Variants in DDB2 observed in about 807,000 individuals in gnomAD.
DDB2 encodes the protein DNA damage-binding protein 2.
A neutral mutation model predicts 50.5 loss-of-function variants in DDB2; 27 were observed. The ratio of observed to expected loss-of-function variants is 0.53; its 90% CI spans 0.39 to 0.74. The LOEUF is 0.74. Among genes scored for constraint, DDB2 ranks in the 30% least tolerant of loss-of-function variants. The probability of loss-of-function intolerance (pLI) is 0.00; values close to 1 mark genes in which losing one functional copy is unlikely to be tolerated. For missense variants in DDB2, 424 were observed against 545.6 expected (o/e 0.78, Z 2.22); for synonymous variants, 176 against 205.5 (o/e 0.86, Z 1.23).
At position 47,216,863 on chromosome 11, in the gene DDB2, C is replaced by G; in HGVS notation, c.270C>G (p.Leu90=). The G allele has an allele frequency of 6.2e-7, 1 of 1,614,016 alleles. No individual in the cohort carries two copies. The highest frequency in any genetic ancestry group is 8.5e-7 in the Non-Finnish European group (1 of 1,179,994). ...RASWPSVQQG[L]QQSFLHTLDS... is the part of the protein sequence containing the mutation. ...TTCATTTCTCTCTGTGGCAGGGGCT[C>G]CAGCAGTCCTTTTTGCACACTCTGG... The change falls in exon 3 of 10, where the codon CTC becomes CTG. Residue 90 remains leucine, a synonymous_variant. Coordinates refer to ENST00000256996, the MANE Select transcript of DDB2 (RefSeq NM_000107.3).
In DDB2 at chr11:47,215,126, C is replaced by CGGA; in HGVS notation, c.-7_-5dup. The CGGA allele has an allele frequency of 6.2e-7, 1 of 1,614,004 alleles. No individual in the cohort carries two copies. Among genetic ancestry groups the CGGA allele is most frequent in the Middle Eastern group, 1.6e-4 (1 of 6,062 alleles). On this transcript the variant is annotated 5_prime_UTR_variant, in exon 1 of 10. Transcript: ENST00000256996. ...GCATAGAGCACAGTACCCCTTCACA[C>CGGA]GGAGGACGCGATGGCTCCCAAGAAA...
chr11:47,215,708 G>A, intron 1 of DDB2: 1 of 276,100 alleles, frequency 3.6e-6, no homozygotes, highest in Non-Finnish European at 7.1e-6. Context: ...AAGGAGTTTC[G>A]AGACACTCAA....
Position 47,215,164 on chromosome 11 carries a change from CAGA to C in DDB2, c.32_34del (p.Lys11del). 1 of 1,614,020 alleles carries C rather than the reference CAGA, an allele frequency of 6.2e-7. No homozygotes were observed. The highest frequency in any genetic ancestry group is 8.5e-7 in the Non-Finnish European group (1 of 1,180,012). On this transcript the variant is annotated inframe_deletion, in exon 1 of 10. Transcript: ENST00000256996. ...GGCTCCCAAGAAACGCCCAGAAACCCAGAAGACCTCCGAGATTGTATTACGCCC... is the reference window on the plus strand; with the variant it reads ...GGCTCCCAAGAAACGCCCAGAAACCCAGACCTCCGAGATTGTATTACGCCC...
At chr11:47,223,521 C>T (rs1401761253) in intron 3 of DDB2, among the ~76,000 whole-genome samples, 1 of 151,664 alleles carries the variant, frequency 6.6e-6, no homozygotes, top group Non-Finnish European at 1.5e-5. Context: ...TGGCTGACAC[C>T]TGTAATCCCA....
chr11:47,217,036 C>A lies in DDB2; in HGVS notation c.443C>A (p.Thr148Asn). Residue 148 changes from threonine to asparagine, a missense_variant, in exon 3 of 10, where the codon ACC becomes AAC. Transcript: ENST00000256996. ...LWNFGIKDKP[T>N]FIKGIGAGGS... ...AATTTTGGCATCAAGGACAAACCCACCTTCATCAAAGGGGTGAGCAGTTCC... is the reference window on the plus strand; with the variant it reads ...AATTTTGGCATCAAGGACAAACCCAACTTCATCAAAGGGGTGAGCAGTTCC... 1 of 1,613,990 alleles carries A rather than the reference C, an allele frequency of 6.2e-7. No individual in the cohort carries two copies. The highest frequency in any genetic ancestry group is 8.5e-7 in the Non-Finnish European group (1 of 1,179,922).
At chr11:47,238,731 C>G in intron 9 of DDB2, 69 bp from the exon 10 acceptor site, 1 of 1,566,500 alleles carries the variant, frequency 6.4e-7, no homozygotes, top group South Asian at 1.1e-5. Flanking sequence ...TGTAGGTTTG[C>G]GGGCCAGCCC....
Position 47,215,390 on chromosome 11 carries a change from A to T in DDB2, c.127+127A>T, listed in dbSNP as rs2135483578. The T allele has an allele frequency of 2.9e-5, 41 of 1,408,140 alleles. No individual in the cohort carries two copies. In the South Asian group the frequency reaches 4.7e-4, roughly 16 times the overall value. 87.2% of individuals were successfully genotyped at this position (1,408,140 alleles called of 1,614,324 possible). A position where few individuals can be genotyped will look rare whatever the true frequency, so the allele number is the denominator to read the frequency against. On this transcript the variant is annotated intron_variant, in intron 1 of 9. Transcript: ENST00000256996. Reference sequence around the variant, plus strand: ...AGGTCACGGGTGCCTCCGGCTGTGCATTCTACCTGCAGGTCCTTTGACACC... The same window carrying T: ...AGGTCACGGGTGCCTCCGGCTGTGCTTTCTACCTGCAGGTCCTTTGACACC...
At chr11:47,233,169 G>T in intron 4 of DDB2, 1 of 628,680 alleles carries the variant, frequency 1.6e-6, no homozygotes, top group South Asian at 1.7e-5. Flanking sequence ...AGGTGTTCTG[G>T]AGCCTCAGCT....
At chr11:47,223,478 G>C (rs1953514858) in intron 3 of DDB2, among the ~76,000 whole-genome samples, 1 of 151,768 alleles carries the variant, frequency 6.6e-6, no homozygotes, top group Admixed American at 6.6e-5. Flanking sequence ...GCAAGACTGT[G>C]TCTCAAAAAT....
intron 3 of DDB2, among the ~76,000 whole-genome samples, chr11:47,219,145 G>A (rs752941806): frequency 2.6e-5 from 4 of 152,148 alleles, no homozygotes; most frequent in Non-Finnish European, 4.4e-5. Context: ...GGGTTTCACC[G>A]TGTTAGCCAC....
Position 47,239,035 on chromosome 11 carries a change from TC to T in DDB2, c.*188del. ...TTTATGTTAATGCTCTGGACTTGCC[TC>T]CAGAGACTGCTCCAGAGTTGGTGAC... On this transcript the variant is annotated 3_prime_UTR_variant, in exon 10 of 10. Coordinates refer to ENST00000256996, the MANE Select transcript of DDB2 (RefSeq NM_000107.3). The T allele has an allele frequency of 1.7e-6, 1 of 602,826 alleles. No homozygotes were observed. The highest frequency in any genetic ancestry group is 3.0e-6 in the Non-Finnish European group (1 of 338,528). 37.3% of individuals were successfully genotyped at this position (602,826 alleles called of 1,614,324 possible). A position where few individuals can be genotyped will look rare whatever the true frequency, so the allele number is the denominator to read the frequency against.
Position 47,235,423 on chromosome 11 carries a change from G to A in DDB2, c.1023+11G>A, listed in dbSNP as rs1176657601. 1 of 1,609,928 alleles carries A rather than the reference G, an allele frequency of 6.2e-7. No individual in the cohort carries two copies. Among genetic ancestry groups the A allele is most frequent in the Admixed American group, 1.7e-5 (1 of 59,972 alleles). The stretch of plus-strand genomic sequence containing the variant: ...CTCACACCCATCAAGGTGAGTGGCG[G>A]TGGGAAGGAGCTCGCAGAAGGAGGC... On this transcript the variant is annotated intron_variant, in intron 7 of 9. Coordinates refer to ENST00000256996, the MANE Select transcript of DDB2 (RefSeq NM_000107.3).
intron 7 of DDB2, 84 bp downstream of exon 7, chr11:47,235,496 A>C: frequency 2.0e-6 from 3 of 1,478,634 alleles, no homozygotes; most frequent in Non-Finnish European, 2.8e-6. Flanking sequence ...GGAAGGGCTG[A>C]TGTGGTAAGC....
Position 47,216,995 on chromosome 11 carries a change from A to G in DDB2, c.402A>G (p.Gly134=). The G allele has an allele frequency of 6.2e-7, 1 of 1,614,024 alleles. No individual in the cohort carries two copies. The highest frequency in any genetic ancestry group is 2.2e-5 in the East Asian group (1 of 44,874). The change falls in exon 3 of 10, where the codon GGA becomes GGG. Residue 134 remains glycine, a synonymous_variant. Coordinates refer to ENST00000256996, the MANE Select transcript of DDB2 (RefSeq NM_000107.3). ...CCGTGGCTGTGGGTTCCAAAGGGGG[A>G]GATATCATGCTCTGGAATTTTGGCA... ...PSTVAVGSKG[G]DIMLWNFGIK...
intron 3 of DDB2, among the ~76,000 whole-genome samples, chr11:47,227,358 C>T (rs528832325): frequency 3.0e-4 from 46 of 151,960 alleles, no homozygotes; most frequent in Non-Finnish European, 8.8e-5. Flanking sequence ...CTACCCGCCT[C>T]GGCCTCCCAA....
rs1050244 is a variant in DDB2, at chr11:47,238,926, C to T, written c.*77C>T. 61,033 of 1,531,978 alleles carry T rather than the reference C, an allele frequency of 0.04. 1,636 individuals carry two copies. Among genetic ancestry groups the T allele is most frequent in the South Asian group, 0.11 (10,029 of 88,560 alleles). 94.9% of individuals were successfully genotyped at this position (1,531,978 alleles called of 1,614,324 possible). A position where few individuals can be genotyped will look rare whatever the true frequency, so the allele number is the denominator to read the frequency against. On this transcript the variant is annotated 3_prime_UTR_variant, in exon 10 of 10. Transcript: ENST00000256996. ...GATCAAGTCCTGCAAGCAGAGGTGG[C>T]GATTTGTTAAAGGGCCAAAAGTATC...
chr11:47,226,869 G>C (rs181435436), intron 3 of DDB2, among the ~76,000 whole-genome samples: 26 of 151,364 alleles, frequency 1.7e-4, no homozygotes, highest in African/African-American at 6.3e-4. Flanking sequence ...AGCCACCCGA[G>C]TAACTGGGAC....
At chr11:47,237,435 T>C (rs944884970) in intron 7 of DDB2, among the ~76,000 whole-genome samples, 11 of 135,022 alleles carry the variant, frequency 8.1e-5, no homozygotes, top group Non-Finnish European at 1.4e-4. Flanking sequence ...CAAATACTAC[T>C]TTTTTTTTTT....
chr11:47,216,906 C>A lies in DDB2; in HGVS notation c.313C>A (p.Gln105Lys). 1 of 1,614,104 alleles carries A rather than the reference C, an allele frequency of 6.2e-7. No homozygotes were observed. Among genetic ancestry groups the A allele is most frequent in the Non-Finnish European group, 8.5e-7 (1 of 1,180,024 alleles). ...CACTCTGGATTCTTACCGGATATTA[C>A]AAAAGGCTGCCCCCTTTGACAGGAG... Reference protein sequence around the residue: ...LHTLDSYRILQKAAPFDRRAT... With the variant: ...LHTLDSYRILKKAAPFDRRAT... Residue 105 changes from glutamine (Q) to lysine (K), a missense_variant, in exon 3 of 10, where the codon CAA becomes AAA. Physicochemically the swap from Gln to Lys is moderately conservative, Grantham distance 53 (BLOSUM62 1). Transcript: ENST00000256996.
Sources: allele counts gnomAD v4.1 joint callset (sites outside exome capture counted in the v4.1 genomes callset), GRCh38; gene constraint gnomAD v4.1.1; transcripts MANE v1.5; gene names NCBI Gene and HGNC (gene_info 2026-07-23, HGNC 2026-07-21).